The following LUZP2 variants were observed in gnomAD, a reference collection of about 807,000 sequenced individuals.
LUZP2 encodes the protein leucine zipper protein 2.
In LUZP2, 52 loss-of-function variants were observed where a neutral mutation model predicts 51.6. That is an observed-to-expected ratio of 1.01 (90% CI 0.81 to 1.27). The LOEUF is 1.27. Ranked by LOEUF, LUZP2 falls within the 50% of genes most tolerant of loss-of-function variation. The pLI, the probability that LUZP2 is intolerant of heterozygous loss-of-function variation, is 0.00. For missense variants in LUZP2, 436 were observed against 395.4 expected (o/e 1.10, Z -0.87); for synonymous variants, 154 against 137.3 (o/e 1.12, Z -0.85).
intron 1 of LUZP2, among the ~76,000 whole-genome samples, chr11:24,615,244 T>C (rs891903388): frequency 1.3e-5 from 2 of 151,944 alleles, no homozygotes; most frequent in African/African-American, 2.4e-5. Flanking sequence ...ACCATCGAGA[T>C]ACAGAACAGT....
intron 5 of LUZP2, among the ~76,000 whole-genome samples, chr11:24,852,037 A>C (rs779093245): frequency 1.3e-4 from 19 of 151,904 alleles, no homozygotes; most frequent in Non-Finnish European, 2.6e-4. Flanking sequence ...CAGTATGTCT[A>C]TTTTGTTAAT....
chr11:24,609,665 G>A (rs1854049843), intron 1 of LUZP2, among the ~76,000 whole-genome samples: 1 of 148,084 alleles, frequency 6.8e-6, no homozygotes, highest in Non-Finnish European at 1.5e-5. Flanking sequence ...TGGGGGCGGA[G>A]GTTACAATGA....
chr11:24,766,858 T>G (rs1464399086), intron 5 of LUZP2, among the ~76,000 whole-genome samples: 1 of 152,162 alleles, frequency 6.6e-6, no homozygotes, highest in Non-Finnish European at 1.5e-5. Context: ...ACCTCTTGGG[T>G]TCAAGTGATA....
At chr11:24,860,316 G>A (rs1851701906) in intron 5 of LUZP2, among the ~76,000 whole-genome samples, 1 of 152,156 alleles carries the variant, frequency 6.6e-6, no homozygotes, top group Admixed American at 6.5e-5. Flanking sequence ...AGCCCCTAGT[G>A]GGAGGGGTGG....
chr11:24,979,730 A>T (rs1855975597), intron 8 of LUZP2, among the ~76,000 whole-genome samples: 1 of 151,794 alleles, frequency 6.6e-6, no homozygotes, highest in African/African-American at 2.4e-5. Flanking sequence ...AAGAAGCTTT[A>T]TGCTAAGAAA....
chr11:24,823,738 T>G (rs114871825), intron 5 of LUZP2, among the ~76,000 whole-genome samples: 2,760 of 152,158 alleles, frequency 0.018, 80 homozygotes, highest in African/African-American at 0.062. Context: ...TAAAATAAAT[T>G]AATGATTTTC....
chr11:24,939,779 A>C (rs1854692354), intron 7 of LUZP2, among the ~76,000 whole-genome samples: 1 of 152,170 alleles, frequency 6.6e-6, no homozygotes, highest in African/African-American at 2.4e-5. Context: ...TGATATTAAC[A>C]AGGTTTGGAA....
intron 1 of LUZP2, among the ~76,000 whole-genome samples, chr11:24,671,767 C>A (rs190986383): frequency 3.3e-5 from 5 of 152,164 alleles, no homozygotes; most frequent in African/African-American, 9.6e-5. Context: ...CTAGTTGGAA[C>A]GTGTACTAAA....
chr11:25,042,687 C>A (rs1463328206), intron 9 of LUZP2, among the ~76,000 whole-genome samples: 2 of 152,138 alleles, frequency 1.3e-5, no homozygotes, highest in Non-Finnish European at 2.9e-5. Flanking sequence ...AGGGGAGAAT[C>A]CATTCTATGC....
At chr11:24,909,802 T>C (rs1019170699) in intron 6 of LUZP2, among the ~76,000 whole-genome samples, 7 of 152,246 alleles carry the variant, frequency 4.6e-5, no homozygotes, top group African/African-American at 1.7e-4. Flanking sequence ...ATCAGACTAA[T>C]ACAGTAAATT....
intron 5 of LUZP2, among the ~76,000 whole-genome samples, chr11:24,882,113 T>C (rs1379269794): frequency 6.6e-6 from 1 of 152,152 alleles, no homozygotes; most frequent in East Asian, 1.9e-4. Flanking sequence ...TGTAAAAATA[T>C]TTTTATTAAT....
chr11:24,531,386 A>G (rs569848133), intron 1 of LUZP2, among the ~76,000 whole-genome samples: 12 of 151,050 alleles, frequency 7.9e-5, no homozygotes, highest in African/African-American at 2.9e-4. Context: ...ATATCAAATT[A>G]AGATAATTAG....
At chr11:24,675,109 G>A (rs563427760) in intron 1 of LUZP2, among the ~76,000 whole-genome samples, 20 of 152,246 alleles carry the variant, frequency 1.3e-4, no homozygotes, top group South Asian at 6.2e-4. Context: ...TAGATGTGAC[G>A]TTGAAGTTTA....
At chr11:24,877,425 A>G (rs541340007) in intron 5 of LUZP2, among the ~76,000 whole-genome samples, 1 of 152,246 alleles carries the variant, frequency 6.6e-6, no homozygotes, top group East Asian at 1.9e-4. Context: ...GACTCTCTTA[A>G]AAATATGTAT....
chr11:25,067,403 T>G (rs1472150611), intron 10 of LUZP2, among the ~76,000 whole-genome samples: 1 of 152,118 alleles, frequency 6.6e-6, no homozygotes, highest in Non-Finnish European at 1.5e-5. Flanking sequence ...ATTTGTCAAT[T>G]TTGGCTTTTG....
At chr11:24,530,931 T>A (rs1044489205) in intron 1 of LUZP2, among the ~76,000 whole-genome samples, 21 of 149,856 alleles carry the variant, frequency 1.4e-4, no homozygotes, top group African/African-American at 5.1e-4. Flanking sequence ...ATTAATCCAA[T>A]GAATCCAATT....
At chr11:24,805,565 C>A (rs1186656775) in intron 5 of LUZP2, among the ~76,000 whole-genome samples, 2 of 152,124 alleles carry the variant, frequency 1.3e-5, no homozygotes, top group African/African-American at 4.8e-5. Context: ...CAGCAGAAAT[C>A]TGCTTGTTGA....
chr11:25,057,315 C>A (rs142301937), intron 10 of LUZP2, among the ~76,000 whole-genome samples: 2,192 of 152,144 alleles, frequency 0.014, 37 homozygotes, highest in Middle Eastern at 0.037. Context: ...CTATGGTATG[C>A]CCTATGTAAA....
chr11:24,889,631 T>C (rs890335616), intron 5 of LUZP2, among the ~76,000 whole-genome samples: 2 of 152,210 alleles, frequency 1.3e-5, no homozygotes, highest in South Asian at 2.1e-4. Flanking sequence ...AGAATCTCAG[T>C]ATGGTCTTTG....
Sources: allele counts gnomAD v4.1 joint callset (sites outside exome capture counted in the v4.1 genomes callset), GRCh38; gene constraint gnomAD v4.1.1; transcripts MANE v1.5; gene names NCBI Gene and HGNC (gene_info 2026-07-23, HGNC 2026-07-21).